Variants in EPHB3 observed in about 807,000 individuals in gnomAD.
EPHB3 encodes the protein EPH receptor B3.
A neutral mutation model predicts 100.2 loss-of-function variants in EPHB3; 33 were observed. The observed-to-expected ratio is 0.33, with a 90% CI of 0.25 to 0.44. The LOEUF is 0.44. Among genes scored for constraint, EPHB3 ranks in the 20% least tolerant of loss-of-function variants. The pLI is 1.00. For synonymous variants in EPHB3, 526 were observed against 554.7 expected, an observed-to-expected ratio of 0.95 and a Z score of 0.73; for missense variants, 1,045 against 1,378.3, an observed-to-expected ratio of 0.76 and a Z score of 3.83.
chr3:184,577,586 G>A lies in EPHB3; in HGVS notation c.1480-72G>A. Reference sequence around the variant, plus strand: ...TGGGTATGGAGGGGGCATGTGGCAGGCCTGGGTGTGAATAGGGGCTGGTTG... The same window carrying A: ...TGGGTATGGAGGGGGCATGTGGCAGACCTGGGTGTGAATAGGGGCTGGTTG... On this transcript the variant is annotated intron_variant, in intron 6 of 15. Coordinates refer to ENST00000330394, the MANE Select transcript of EPHB3 (RefSeq NM_004443.4). This position sits in a 1 kb window ranked among gnomAD's most constrained non-coding sequence, Gnocchi z 4.9. 6.4e-7 allele frequency: 1 copy of A among 1,572,424 alleles called. No individual in the cohort carries two copies. Among genetic ancestry groups the A allele is most frequent in the Non-Finnish European group, 8.6e-7 (1 of 1,156,804 alleles).
At position 184,563,512 on chromosome 3, in the gene EPHB3, A is replaced by G. The variant is rs1036752891; in HGVS notation, c.118+1159A>G. On this transcript the variant is annotated intron_variant, in intron 1 of 15. Transcript: ENST00000330394. The surrounding 1 kb of genome is among the most constrained non-coding windows in gnomAD (Gnocchi z 4.1). ...AAAGGTTGGAAGGAAAAAAGAACAC[A>G]GTTCAGAGAGAAAGGCATCCTCTGG... 1.3e-5 allele frequency among the ~76,000 whole-genome samples: 2 copies of G among 152,224 alleles called. No homozygotes were observed. Among genetic ancestry groups the G allele is most frequent in the Non-Finnish European group, 2.9e-5 (2 of 68,048 alleles).
Position 184,579,935 on chromosome 3 carries a change from G to A in EPHB3, c.2172+1G>A. ...CTGCGCCCTGGACTCCTTCCTCCGGGTAAGAGCCAGCCCCCAGGCCCTCTC... is the reference window on the plus strand; with the variant it reads ...CTGCGCCCTGGACTCCTTCCTCCGGATAAGAGCCAGCCCCCAGGCCCTCTC... On this transcript the variant is annotated splice_donor_variant, in intron 11 of 15. Coordinates refer to ENST00000330394, the MANE Select transcript of EPHB3 (RefSeq NM_004443.4). LOFTEE classifies it high-confidence loss of function. The surrounding 1 kb of genome is among the most constrained non-coding windows in gnomAD (Gnocchi z 5.2). 1 of 1,612,220 alleles carries A rather than the reference G, an allele frequency of 6.2e-7. No homozygotes were observed. Among genetic ancestry groups the A allele is most frequent in the Non-Finnish European group, 8.5e-7 (1 of 1,179,222 alleles).
In EPHB3 at chr3:184,572,687, C is replaced by T. The variant is rs926162190; in HGVS notation, c.367C>T (p.Pro123Ser). 1 of 1,607,674 alleles carries T rather than the reference C, an allele frequency of 6.2e-7. No individual in the cohort carries two copies. Among genetic ancestry groups the T allele is most frequent in the Non-Finnish European group, 8.5e-7 (1 of 1,177,084 alleles). ...VRDCNSIPNI[P>S]GSCKETFNLF... ...TGACTGCAACAGCATCCCCAACATC[C>T]CCGGCTCCTGCAAGGAGACCTTCAA... Residue 123 changes from proline (P) to serine (S), a missense_variant, in exon 3 of 16, where the codon CCC (proline) becomes TCC (serine). Around this residue, in one of 2 missense-constraint regions of EPHB3, gnomAD observed 985 missense variants for 1,331.1 expected, o/e 0.74. Coordinates refer to ENST00000330394, the MANE Select transcript of EPHB3 (RefSeq NM_004443.4). This position sits in a 1 kb window ranked among gnomAD's most constrained non-coding sequence, Gnocchi z 6.6.
Position 184,579,777 on chromosome 3 carries a change from C to A in EPHB3, c.2015C>A (p.Thr672Asn), listed in dbSNP as rs776860405. 15 of 1,613,738 alleles carry A rather than the reference C, an allele frequency of 9.3e-6. No individual in the cohort carries two copies. The highest frequency in any genetic ancestry group is 1.3e-5 in the Non-Finnish European group (15 of 1,179,956). ...VAIKTLKVGY[T>N]ERQRRDFLSE... ...ATCAAGACGCTGAAGGTGGGCTACA[C>A]CGAGAGGCAGCGGCGGGACTTCCTA... Residue 672 changes from threonine to asparagine, a missense_variant, in exon 11 of 16, where the codon ACC (threonine) becomes AAC (asparagine). Coordinates refer to ENST00000330394, the MANE Select transcript of EPHB3 (RefSeq NM_004443.4). This position sits in a 1 kb window ranked among gnomAD's most constrained non-coding sequence, Gnocchi z 5.2.
At chr3:184,576,133 A>G in intron 4 of EPHB3, 148 bp downstream of exon 4, 1 of 1,167,354 alleles carries the variant, frequency 8.6e-7, no homozygotes, top group Non-Finnish European at 1.2e-6. Flanking sequence ...TCAACATGGC[A>G]CAACTGGGAG....
intron 15 of EPHB3, 31 bp from the exon 16 acceptor site, chr3:184,581,483 G>A (rs1454528844): frequency 6.2e-7 from 1 of 1,604,688 alleles, no homozygotes; most frequent in African/African-American, 1.3e-5. Context: ...CACGAGGAAA[G>A]GGACTGATCC....
In EPHB3 at chr3:184,562,373, G is replaced by T; in HGVS notation, c.118+20G>T. ...TGGAAGGTGAGCGGCGTCGGGGGGCGCGCCCGGGAACAAGGTGCCTGGGGT... is the reference window on the plus strand; with the variant it reads ...TGGAAGGTGAGCGGCGTCGGGGGGCTCGCCCGGGAACAAGGTGCCTGGGGT... On this transcript the variant is annotated intron_variant, in intron 1 of 15. Transcript: ENST00000330394. The surrounding 1 kb of genome is among the most constrained non-coding windows in gnomAD (Gnocchi z 4.8). 8.2e-7 allele frequency: 1 copy of T among 1,217,282 alleles called. No homozygotes were observed. Among genetic ancestry groups the T allele is most frequent in the Non-Finnish European group, 1.0e-6 (1 of 980,160 alleles). 75.4% of individuals were successfully genotyped at this position (1,217,282 alleles called of 1,614,324 possible). A position where few individuals can be genotyped will look rare whatever the true frequency, so the allele number is the denominator to read the frequency against.
Position 184,582,075 on chromosome 3 carries a change from A to G in EPHB3, c.*453A>G, listed in dbSNP as rs916010057. The G allele has an allele frequency of 1.3e-5, 2 of 157,476 alleles. No homozygotes were observed. The highest frequency in any genetic ancestry group is 4.8e-5 in the African/African-American group (2 of 41,524). The allele number at this position is 157,476 out of a possible 1,614,324, so 9.8% of individuals were successfully genotyped here. ...GACTCCAGGAATGGGGAAATGTGAC[A>G]CCACCATCCTGAAGCCAGCTTGCAC... On this transcript the variant is annotated 3_prime_UTR_variant, in exon 16 of 16. Transcript: ENST00000330394.
chr3:184,579,682 T>C lies in EPHB3; in HGVS notation c.1925-5T>C. The C allele has an allele frequency of 6.2e-7, 1 of 1,610,598 alleles. No homozygotes were observed. Among genetic ancestry groups the C allele is most frequent in the Non-Finnish European group, 8.5e-7 (1 of 1,177,726 alleles). On this transcript the variant is annotated splice_region_variant and splice_polypyrimidine_tract_variant and intron_variant, in intron 10 of 15. Transcript: ENST00000330394. This position sits in a 1 kb window ranked among gnomAD's most constrained non-coding sequence, Gnocchi z 5.2. ...GAGTCATAGCTTGTGCCCTGTGCCC[T>C]GCAGGGGAATTTGGGGAAGTGTGCC...
chr3:184,568,402 G>C (rs913650574), intron 1 of EPHB3, among the ~76,000 whole-genome samples: 1 of 152,168 alleles, frequency 6.6e-6, no homozygotes, highest in African/African-American at 2.4e-5. Context: ...GCAGGCAGCT[G>C]GGGGAGTTGA....
chr3:184,566,508 T>C (rs1455087115), intron 1 of EPHB3, among the ~76,000 whole-genome samples: 2 of 152,096 alleles, frequency 1.3e-5, no homozygotes, highest in Admixed American at 1.3e-4. Flanking sequence ...TCCAGTCCCA[T>C]GGCAGGCTCC....
Position 184,562,283 on chromosome 3 carries a change from T to TCTGCCGCTGCTCCCTCCG in EPHB3, c.53_70dup (p.Pro18_Leu23dup). On this transcript the variant is annotated inframe_insertion, in exon 1 of 16. Transcript: ENST00000330394. This position sits in a 1 kb window ranked among gnomAD's most constrained non-coding sequence, Gnocchi z 4.8. ...CGCCGCCGTCGCCGCCGCCGGGGCTTCTGCCGCTGCTCCCTCCGCTGCTGC... is the reference window on the plus strand; with the variant it reads ...CGCCGCCGTCGCCGCCGCCGGGGCTTCTGCCGCTGCTCCCTCCGCTGCCGCTGCTCCCTCCGCTGCTGC... 1 of 1,225,606 alleles carries TCTGCCGCTGCTCCCTCCG rather than the reference T, an allele frequency of 8.2e-7. No individual in the cohort carries two copies. The allele number at this position is 1,225,606 out of a possible 1,614,324, so 75.9% of individuals were successfully genotyped here. A position where few individuals can be genotyped will look rare whatever the true frequency, so the allele number is the denominator to read the frequency against.
rs1358721988 is a variant in EPHB3, at chr3:184,573,194, T to C, written c.856+18T>C. The stretch of plus-strand genomic sequence containing the variant: ...GTGCCGCCGTGAGTGGGGACTGTCC[T>C]GGGGAAAGGGTTGTCGGGAGGGCCT... On this transcript the variant is annotated intron_variant, in intron 3 of 15. Coordinates refer to ENST00000330394, the MANE Select transcript of EPHB3 (RefSeq NM_004443.4). This position sits in a 1 kb window ranked among gnomAD's most constrained non-coding sequence, Gnocchi z 4.5. 2.5e-6 allele frequency: 4 copies of C among 1,608,922 alleles called. No homozygotes were observed. The highest frequency in any genetic ancestry group is 1.7e-5 in the Admixed American group (1 of 60,008).
At position 184,582,362 on chromosome 3, in the gene EPHB3, A is replaced by G. The variant is rs895299703; in HGVS notation, c.*740A>G. On this transcript the variant is annotated 3_prime_UTR_variant, in exon 16 of 16. Coordinates refer to ENST00000330394, the MANE Select transcript of EPHB3 (RefSeq NM_004443.4). ...GTGTAAAAGCTTGGCCCTGTGCCCTACAATGGGGCCAGCTGGGCCGACAGC... is the reference window on the plus strand; with the variant it reads ...GTGTAAAAGCTTGGCCCTGTGCCCTGCAATGGGGCCAGCTGGGCCGACAGC... 2.0e-5 allele frequency: 3 copies of G among 152,328 alleles called. No individual in the cohort carries two copies. Among genetic ancestry groups the G allele is most frequent in the Non-Finnish European group, 4.4e-5 (3 of 68,078 alleles). The allele number at this position is 152,328 out of a possible 1,614,324, so 9.4% of individuals were successfully genotyped here. A position where few individuals can be genotyped will look rare whatever the true frequency, so the allele number is the denominator to read the frequency against.
Position 184,581,173 on chromosome 3 carries a change from C to A in EPHB3, c.2732+8C>A. On this transcript the variant is annotated splice_region_variant and intron_variant, in intron 14 of 15. Transcript: ENST00000330394. The stretch of plus-strand genomic sequence containing the variant: ...TGCCAGCGCTCAGTCTGGGTTAGTA[C>A]CTCTGCCTCTGCTCCCGCCAAGCCA... The A allele has an allele frequency of 1.2e-6, 2 of 1,612,666 alleles. No homozygotes were observed. Among genetic ancestry groups the A allele is most frequent in the Non-Finnish European group, 1.7e-6 (2 of 1,179,088 alleles).
rs988410798 is a variant in EPHB3 at position 184,578,742 on chromosome 3, T to C, written c.1801+276T>C. On this transcript the variant is annotated intron_variant, in intron 9 of 15. Transcript: ENST00000330394. The surrounding 1 kb of genome is among the most constrained non-coding windows in gnomAD (Gnocchi z 4.7). ...CAAGATGCAAACACACAGGAAACAATTTGAGAACAATTAAGGGTTGAGCTG... is the reference window on the plus strand; with the variant it reads ...CAAGATGCAAACACACAGGAAACAACTTGAGAACAATTAAGGGTTGAGCTG... 6.6e-6 allele frequency among the ~76,000 whole-genome samples: 1 copy of C among 152,118 alleles called. No individual in the cohort carries two copies. Among genetic ancestry groups the C allele is most frequent in the African/African-American group, 2.4e-5 (1 of 41,422 alleles).
chr3:184,572,797 C>T lies in EPHB3; in HGVS notation c.477C>T (p.Thr159=), dbSNP rs1379995329. Residue 159 remains threonine, a synonymous_variant, in exon 3 of 16, where the codon ACC becomes ACT. Transcript: ENST00000330394. This position sits in a 1 kb window ranked among gnomAD's most constrained non-coding sequence, Gnocchi z 6.6. Reference sequence around the variant, plus strand: ...AGAACCCCTACGTGAAAGTGGACACCATTGCACCCGATGAGAGCTTCTCGC... The same window carrying T: ...AGAACCCCTACGTGAAAGTGGACACTATTGCACCCGATGAGAGCTTCTCGC... The part of the protein sequence containing the change: ...WMENPYVKVD[T]IAPDESFSRL... 3 of 1,594,406 alleles carry T rather than the reference C, an allele frequency of 1.9e-6. No individual in the cohort carries two copies. Among genetic ancestry groups the T allele is most frequent in the Middle Eastern group, 1.7e-4 (1 of 5,974 alleles).
Position 184,580,723 on chromosome 3 carries a change from CA to C in EPHB3, c.2389-5del. On this transcript the variant is annotated splice_region_variant and splice_polypyrimidine_tract_variant and intron_variant, in intron 12 of 15. Coordinates refer to ENST00000330394, the MANE Select transcript of EPHB3 (RefSeq NM_004443.4). ...CAGGGTGAAGGGCCTGTGCCCCCCT[CA>C]CCAGGGCGGGAAGATCCCCATCCGC... The C allele has an allele frequency of 1.2e-6, 2 of 1,613,568 alleles. No individual in the cohort carries two copies. The highest frequency in any genetic ancestry group is 2.2e-5 in the South Asian group (2 of 91,006).
At position 184,579,424 on chromosome 3, in the gene EPHB3, A is replaced by T; in HGVS notation, c.1802-53A>T. ...AGCCTGCTGGAGCTGTGCCCATCGC[A>T]GGGAGAGGCTGGCTTGACGTTACCC... is the stretch of plus-strand genomic sequence containing the variant. On this transcript the variant is annotated intron_variant, in intron 9 of 15. Transcript: ENST00000330394. This position sits in a 1 kb window ranked among gnomAD's most constrained non-coding sequence, Gnocchi z 5.2. 1 of 1,596,904 alleles carries T rather than the reference A, an allele frequency of 6.3e-7. No individual in the cohort carries two copies. Among genetic ancestry groups the T allele is most frequent in the Non-Finnish European group, 8.6e-7 (1 of 1,167,402 alleles).
Sources: allele counts gnomAD v4.1 joint callset (sites outside exome capture counted in the v4.1 genomes callset), GRCh38; gene constraint gnomAD v4.1.1; regional missense constraint gnomAD v4.1.1; non-coding constraint Gnocchi (gnomAD v3.1); transcripts MANE v1.5; gene names NCBI Gene and HGNC (gene_info 2026-07-23, HGNC 2026-07-21).